Variants in COL22A1 observed in about 807,000 individuals in gnomAD.
COL22A1 encodes the protein collagen alpha-1(XXII) chain.
COL22A1 carries 221 observed loss-of-function variants against 248.9 expected under a neutral mutation model. The observed-to-expected ratio is 0.89, with a 90% confidence interval of 0.80 to 0.99. The LOEUF is 0.99. Ranked by LOEUF, COL22A1 falls within the 50% of genes least tolerant of loss-of-function variation. The probability of loss-of-function intolerance (pLI) is 0.00; values close to 1 mark genes in which losing one functional copy is unlikely to be tolerated. For synonymous variants in COL22A1, 891 were observed against 793.4 expected (o/e 1.12, Z -2.07); for missense variants, 2,240 against 2,179.0 (o/e 1.03, Z -0.56).
At chr8:138,805,207 G>C (rs986188567) in intron 10 of COL22A1, among the ~76,000 whole-genome samples, 2 of 146,790 alleles carry the variant, frequency 1.4e-5, no homozygotes, top group East Asian at 2.1e-4. Context: ...GGTGTGTGAT[G>C]GGGTGTGTGT....
intron 15 of COL22A1, among the ~76,000 whole-genome samples, chr8:138,776,300 G>C (rs113206904): frequency 2.4e-4 from 37 of 152,256 alleles, no homozygotes; most frequent in African/African-American, 8.9e-4. Flanking sequence ...GACATAGCCC[G>C]GCTCCTGAAC....
chr8:138,778,324 C>A, intron 15 of COL22A1, 29 bp downstream of exon 15: 2 of 1,613,910 alleles, frequency 1.2e-6, no homozygotes, highest in South Asian at 1.1e-5. Flanking sequence ...AGGGGTAGAA[C>A]CCCTGCCCAG....
intron 16 of COL22A1, among the ~76,000 whole-genome samples, chr8:138,768,338 C>G (rs1834074898): frequency 6.6e-6 from 1 of 152,300 alleles, no homozygotes; most frequent in South Asian, 2.1e-4. Flanking sequence ...ACACTCTTGC[C>G]CGAGCCTGCC....
chr8:138,619,434 C>A (rs1317807605), intron 53 of COL22A1, 21 bp downstream of exon 53: 2 of 1,612,122 alleles, frequency 1.2e-6, no homozygotes, highest in Non-Finnish European at 1.7e-6. Flanking sequence ...CTACCGTTCC[C>A]CACACACACT....
In COL22A1 at chr8:138,755,214, G is replaced by A; in HGVS notation, c.1978-4C>T. The A allele has an allele frequency of 6.2e-7, 1 of 1,613,952 alleles. No individual in the cohort carries two copies. The highest frequency in any genetic ancestry group is 1.3e-5 in the African/African-American group (1 of 75,020). The stretch of plus-strand genomic sequence containing the variant: ...GACCTCTGGGTCCTGGAGCTCCCTG[G>A]TAACACAAGCCAAACAGATGTTTAG... On this transcript the variant is annotated splice_polypyrimidine_tract_variant and splice_region_variant and intron_variant, in intron 20 of 64. Transcript: ENST00000303045.
intron 12 of COL22A1, among the ~76,000 whole-genome samples, chr8:138,796,606 G>A (rs1409564201): frequency 6.6e-6 from 1 of 151,358 alleles, no homozygotes; most frequent in Non-Finnish European, 1.5e-5. Flanking sequence ...ACCATTTTCT[G>A]TCTCCACCTT....
rs149169871 is a variant in COL22A1, at chr8:138,637,957, G to A, written c.3502-1162C>T. On this transcript the variant is annotated intron_variant, in intron 47 of 64. Coordinates refer to ENST00000303045, the MANE Select transcript of COL22A1 (RefSeq NM_152888.3). ...TATTATCATCACTGTTTCCATCACC[G>A]TCATCATCCTCATCTTCACCATCAT... 9.9e-4 allele frequency among the ~76,000 whole-genome samples: 150 copies of A among 150,936 alleles called. No homozygotes were observed. The Middle Eastern group carries it at 0.014, about 14-fold the overall frequency.
intron 26 of COL22A1, 152 bp downstream of exon 26, chr8:138,721,884 C>G: frequency 2.8e-6 from 2 of 708,738 alleles, no homozygotes; most frequent in South Asian, 3.1e-5. Context: ...GGAGCCTTCC[C>G]CCATCTGACC....
intron 16 of COL22A1, among the ~76,000 whole-genome samples, chr8:138,765,134 CTG>C (rs1196945728): frequency 6.6e-6 from 1 of 152,156 alleles, no homozygotes; most frequent in East Asian, 1.9e-4. Flanking sequence ...AATGAGGAAA[CTG>C]AGGCCGGAGG....
At position 138,812,979 on chromosome 8, in the gene COL22A1, T is replaced by G. The variant is rs755141750; in HGVS notation, c.1286A>C (p.His429Pro). Reference protein sequence around the residue: ...QRIVIYCDSRHAELETCCDIP... With the variant: ...QRIVIYCDSRPAELETCCDIP... ...ATCACAACAAGTCTCCAATTCTGCG[T>G]GTCTCGAGTCACAATAGATCACAAT... The change falls in exon 8 of 65, where the codon CAC becomes CCC. Residue 429 changes from histidine (H) to proline (P), a missense_variant. Physicochemically the swap from His to Pro is moderately conservative, Grantham distance 77. Coordinates refer to ENST00000303045, the MANE Select transcript of COL22A1 (RefSeq NM_152888.3). The G allele has an allele frequency of 1.9e-6, 3 of 1,613,938 alleles. No individual in the cohort carries two copies. In the East Asian group the frequency reaches 6.7e-5, roughly 36 times the overall value.
Position 138,897,343 on chromosome 8 carries a change from C to T in COL22A1, c.-72-14099G>A, listed in dbSNP as rs542555306. On this transcript the variant is annotated intron_variant, in intron 1 of 64. Transcript: ENST00000303045. The stretch of plus-strand genomic sequence containing the variant: ...CAGGCGATTCACAAGGTCAAGAGAT[C>T]GAGACCACCCTGGCCAACATGGTGA... 1.9e-4 allele frequency among the ~76,000 whole-genome samples: 29 copies of T among 152,066 alleles called. 1 individual carries two copies. In the South Asian group the frequency reaches 5.4e-3, roughly 28 times the overall value.
intron 16 of COL22A1, among the ~76,000 whole-genome samples, chr8:138,773,177 C>T (rs1350006976): frequency 1.3e-5 from 2 of 152,224 alleles, no homozygotes; most frequent in African/African-American, 4.8e-5. Flanking sequence ...CCAGATGAGG[C>T]AAACAAGCCC....
chr8:138,897,667 G>C (rs1012142083), intron 1 of COL22A1, among the ~76,000 whole-genome samples: 1 of 152,022 alleles, frequency 6.6e-6, no homozygotes, highest in Non-Finnish European at 1.5e-5. Context: ...ACTGCCCATA[G>C]AGCATATGTT....
At chr8:138,604,108 A>ATGGGAAAAGAGAGCCC (rs1404752011) in intron 59 of COL22A1, among the ~76,000 whole-genome samples, 1 of 152,160 alleles carries the variant, frequency 6.6e-6, no homozygotes, top group Non-Finnish European at 1.5e-5. Flanking sequence ...AGGAATAAGC[A>ATGGGAAAAGAGAGCCC]TGGGAAAAGA....
intron 60 of COL22A1, among the ~76,000 whole-genome samples, chr8:138,600,947 A>G (rs1817951115): frequency 1.3e-5 from 2 of 152,232 alleles, no homozygotes; most frequent in Admixed American, 1.3e-4. Context: ...GACAGGACTT[A>G]TCCCATATTT....
chr8:138,737,583 T>G lies in COL22A1; in HGVS notation c.2086-6A>C. On this transcript the variant is annotated splice_region_variant and splice_polypyrimidine_tract_variant and intron_variant, in intron 22 of 64. Coordinates refer to ENST00000303045, the MANE Select transcript of COL22A1 (RefSeq NM_152888.3). ...CCCATGTCACCTTTCTTCCCCTGAG[T>G]GTAAAAGAAGAAGCTAAAATTAACA... The G allele has an allele frequency of 6.2e-7, 1 of 1,605,348 alleles. No homozygotes were observed. Among genetic ancestry groups the G allele is most frequent in the South Asian group, 1.1e-5 (1 of 90,836 alleles).
At position 138,646,700 on chromosome 8, in the gene COL22A1, G is replaced by T. The variant is rs1564138911; in HGVS notation, c.3448-18C>A. ...GCCTCTCCCTGTATCAGGGATACAAGAAAAAAAAAGAAAACAAGAATGAGT... is the reference window on the plus strand; with the variant it reads ...GCCTCTCCCTGTATCAGGGATACAATAAAAAAAAAGAAAACAAGAATGAGT... On this transcript the variant is annotated intron_variant, in intron 46 of 64. Coordinates refer to ENST00000303045, the MANE Select transcript of COL22A1 (RefSeq NM_152888.3). 1 of 1,514,962 alleles carries T rather than the reference G, an allele frequency of 6.6e-7. No homozygotes were observed. The highest frequency in any genetic ancestry group is 1.4e-5 in the African/African-American group (1 of 71,586). The allele number at this position is 1,514,962 out of a possible 1,614,324, so 93.8% of individuals were successfully genotyped here.
chr8:138,732,192 T>G (rs73719101), intron 23 of COL22A1, among the ~76,000 whole-genome samples: 5,764 of 152,284 alleles, frequency 0.038, 364 homozygotes, highest in African/African-American at 0.13. Flanking sequence ...ATTCTACACA[T>G]TATTGTCCTT....
intron 35 of COL22A1, 137 bp from the exon 36 acceptor site, chr8:138,691,011 C>T (rs750476524): frequency 1.6e-4 from 96 of 613,320 alleles, no homozygotes; most frequent in Non-Finnish European, 2.4e-4. Context: ...CCTCTGCAGA[C>T]GTGAACCTCC....
Sources: gnomAD v4.1 joint callset for allele counts (sites outside exome capture counted in the v4.1 genomes callset) on GRCh38, gnomAD v4.1.1 for gene constraint, MANE v1.5 for transcripts, NCBI Gene and HGNC (gene_info 2026-07-23, HGNC 2026-07-21) for gene names.